MYO18B: variants seen among roughly 807,000 people sequenced by gnomAD.
The protein encoded by MYO18B is myosin XVIIIB, also known as unconventional myosin-XVIIIb.
In MYO18B, 204 loss-of-function variants were observed where a neutral mutation model predicts 273.0. The observed-to-expected ratio is 0.75, with a 90% CI of 0.67 to 0.84. MYO18B has a LOEUF of 0.84. Among genes scored for constraint, MYO18B ranks in the 40% least tolerant of loss-of-function variants. The pLI, the probability that MYO18B is intolerant of heterozygous loss-of-function variation, is 0.00. For synonymous variants in MYO18B, 1,330 were observed against 1,305.7 expected (o/e 1.02, Z -0.40); for missense variants, 3,212 against 3,287.6 (o/e 0.98, Z 0.56).
At position 25,862,846 on chromosome 22, in the gene MYO18B, T is replaced by TGG. The variant is rs695260; in HGVS notation, c.3886-5466_3886-5465dup. Among the ~76,000 whole-genome samples, 301 of 147,706 alleles carry TGG rather than the reference T, an allele frequency of 2.0e-3. 12 individuals are homozygous for TGG. In the South Asian group the frequency reaches 0.055, roughly 27 times the overall value. ...CGCTAGGATGCATAGACTTTTTTTTTGGGGGGGGGTGTCAAATTTGGGAAG... is the reference window on the plus strand; with the variant it reads ...CGCTAGGATGCATAGACTTTTTTTTTGGGGGGGGGGGTGTCAAATTTGGGAAG... On this transcript the variant is annotated intron_variant, in intron 21 of 43. Transcript: ENST00000335473.
chr22:25,843,057 T>A (rs1393282174), intron 17 of MYO18B, among the ~76,000 whole-genome samples: 1 of 152,226 alleles, frequency 6.6e-6, no homozygotes, highest in Non-Finnish European at 1.5e-5. Flanking sequence ...GTATGCTTTA[T>A]TTAATCCACA....
chr22:25,984,451 T>C (rs1364833679), intron 39 of MYO18B, among the ~76,000 whole-genome samples: 2 of 152,142 alleles, frequency 1.3e-5, no homozygotes, highest in African/African-American at 4.8e-5. Flanking sequence ...AAATATCTTC[T>C]TTGAGGATTT....
At chr22:25,917,175 A>T (rs780218621) in intron 33 of MYO18B, among the ~76,000 whole-genome samples, 1 of 152,252 alleles carries the variant, frequency 6.6e-6, no homozygotes, top group Non-Finnish European at 1.5e-5. Flanking sequence ...ATACGAATAT[A>T]AAAGCATAAA....
At chr22:26,029,620 C>G (rs147299156) in intron 43 of MYO18B, among the ~76,000 whole-genome samples, 135 of 152,218 alleles carry the variant, frequency 8.9e-4, no homozygotes, top group African/African-American at 3.1e-3. Context: ...CCTTCCCTAC[C>G]CTGAGCAAGG....
chr22:26,019,599 T>C (rs1983666), intron 42 of MYO18B, among the ~76,000 whole-genome samples: 140,170 of 152,320 alleles, frequency 0.92, 64,608 homozygotes, highest in African/African-American at 0.97. Context: ...ACAGACTCTC[T>C]GTTGTTATTT....
At chr22:26,008,039 T>G (rs1601820263) in intron 42 of MYO18B, among the ~76,000 whole-genome samples, 1 of 152,328 alleles carries the variant, frequency 6.6e-6, no homozygotes, top group South Asian at 2.1e-4. Flanking sequence ...AAACATAAAT[T>G]ATATAATTAC....
rs1007071527 is a variant in MYO18B, at chr22:25,847,322, G to A, written c.3553-108G>A. 5 of 943,298 alleles carry A rather than the reference G, an allele frequency of 5.3e-6. No individual in the cohort carries two copies. In the African/African-American group the frequency reaches 6.6e-5, roughly 12 times the overall value. The allele number at this position is 943,298 out of a possible 1,614,324, so 58.4% of individuals were successfully genotyped here. A position where few individuals can be genotyped will look rare whatever the true frequency, so the allele number is the denominator to read the frequency against. ...GGAGCTCCTTGGTGTGGGACATAGGGGCCCCAAAGATGCTCAGGTTGGGCT... is the reference window on the plus strand; with the variant it reads ...GGAGCTCCTTGGTGTGGGACATAGGAGCCCCAAAGATGCTCAGGTTGGGCT... On this transcript the variant is annotated intron_variant, in intron 19 of 43. Transcript: ENST00000335473.
intron 2 of MYO18B, among the ~76,000 whole-genome samples, chr22:25,761,913 G>C (rs909301411): frequency 2.0e-5 from 3 of 152,142 alleles, no homozygotes; most frequent in African/African-American, 7.2e-5. Context: ...CATGAGGTCA[G>C]GAGTTCGAGA....
chr22:25,914,046 C>T (rs2092212477), intron 33 of MYO18B, among the ~76,000 whole-genome samples: 1 of 152,128 alleles, frequency 6.6e-6, no homozygotes, highest in Admixed American at 6.5e-5. Flanking sequence ...CTATCTTCCT[C>T]AATATGGATA....
At chr22:26,020,807 G>A (rs935254886) in intron 42 of MYO18B, among the ~76,000 whole-genome samples, 13 of 152,230 alleles carry the variant, frequency 8.5e-5, no homozygotes, top group Non-Finnish European at 7.4e-5. Flanking sequence ...ATAACTGGGG[G>A]CCCGGGCACC....
chr22:26,053,227 C>T, the MYO18B span, among the ~76,000 whole-genome samples: 1 of 152,190 alleles, frequency 6.6e-6, no homozygotes, highest in Non-Finnish European at 1.5e-5. Flanking sequence ...CCAAAATGTG[C>T]TTGGGTTATG....
intron 9 of MYO18B, 138 bp from the exon 10 acceptor site, chr22:25,781,596 C>T (rs556239118): frequency 2.9e-5 from 11 of 384,998 alleles, no homozygotes; most frequent in African/African-American, 2.4e-4. Flanking sequence ...GGCAACAGAG[C>T]GAGACTCCGT....
At chr22:25,948,175 C>T (rs2146601469) in intron 36 of MYO18B, among the ~76,000 whole-genome samples, 1 of 152,234 alleles carries the variant, frequency 6.6e-6, no homozygotes, top group Middle Eastern at 3.4e-3. Flanking sequence ...TCCATCTATC[C>T]ATTGTCCATC....
the MYO18B span, among the ~76,000 whole-genome samples, chr22:26,040,321 G>A: frequency 0.1 from 15,265 of 152,110 alleles, 909 homozygotes; most frequent in Middle Eastern, 0.17. Context: ...CACAGCTGTG[G>A]GGTCCAGGGC....
chr22:25,925,245 T>TA (rs1478383892), intron 34 of MYO18B, among the ~76,000 whole-genome samples: 3 of 152,028 alleles, frequency 2.0e-5, no homozygotes, highest in East Asian at 1.9e-4. Context: ...CACCCCATTT[T>TA]AAAAAAATCA....
intron 33 of MYO18B, among the ~76,000 whole-genome samples, chr22:25,917,692 T>C (rs1181934204): frequency 6.6e-6 from 1 of 152,150 alleles, no homozygotes; most frequent in East Asian, 1.9e-4. Flanking sequence ...TAATGACTGA[T>C]ATATTTGAAA....
In MYO18B at chr22:25,858,287, T is replaced by G. The variant is rs966751201; in HGVS notation, c.3885+6708T>G. 2.0e-5 allele frequency among the ~76,000 whole-genome samples: 3 copies of G among 152,334 alleles called. No individual in the cohort carries two copies. In the East Asian group the frequency reaches 5.8e-4, roughly 29 times the overall value. On this transcript the variant is annotated intron_variant, in intron 21 of 43. Transcript: ENST00000335473. ...GTATGACCATAGGCAACATATAGTA[T>G]GGCATAGCAAAGTGTCTGGTACATT...
At chr22:25,760,307 C>T (rs1240082594) in intron 1 of MYO18B, among the ~76,000 whole-genome samples, 2 of 146,116 alleles carry the variant, frequency 1.4e-5, no homozygotes, top group African/African-American at 2.5e-5. Context: ...CCCAGCTACT[C>T]GGGTGGCTGA....
chr22:25,948,517 C>A (rs1309511958), intron 36 of MYO18B, among the ~76,000 whole-genome samples: 1 of 5,478 alleles, frequency 1.8e-4, no homozygotes, highest in Non-Finnish European at 4.6e-4. Context: ...TTTCTCTTTC[C>A]TTCTTTCTTT....
Sources: gnomAD v4.1 joint callset for allele counts (sites outside exome capture counted in the v4.1 genomes callset) on GRCh38, gnomAD v4.1.1 for gene constraint, MANE v1.5 for transcripts, NCBI Gene and HGNC (gene_info 2026-07-23, HGNC 2026-07-21) for gene names.